TLL1: variants seen among roughly 807,000 people sequenced by gnomAD.
TLL1 encodes tolloid like 1, also known as tolloid-like protein 1.
TLL1 carries 49 observed loss-of-function variants against 128.2 expected under a neutral mutation model. The ratio of observed to expected loss-of-function variants is 0.38; its 90% confidence interval spans 0.30 to 0.48. The LOEUF (loss-of-function observed/expected upper bound fraction) is 0.48. Ranked by LOEUF, TLL1 falls within the 20% of genes least tolerant of loss-of-function variation. TLL1 has a pLI of 0.96. For synonymous variants in TLL1, 454 were observed against 418.8 expected (o/e 1.08, Z -1.03); for missense variants, 1,123 against 1,242.0 (o/e 0.90, Z 1.44).
chr4:166,008,765 A>G (rs1039842460), intron 7 of TLL1, among the ~76,000 whole-genome samples: 2 of 149,390 alleles, frequency 1.3e-5, no homozygotes, highest in African/African-American at 2.5e-5. Context: ...CCCTTTTTCC[A>G]TTTATGCCCA....
chr4:166,061,031 T>C (rs1364980220), intron 15 of TLL1, among the ~76,000 whole-genome samples: 3 of 152,162 alleles, frequency 2.0e-5, no homozygotes, highest in Admixed American at 6.6e-5. Flanking sequence ...ATCCATAAAA[T>C]AAAATTAACC....
chr4:165,930,907 GA>G (rs1406195312), intron 1 of TLL1, among the ~76,000 whole-genome samples: 1 of 152,158 alleles, frequency 6.6e-6, no homozygotes, highest in Non-Finnish European at 1.5e-5. Context: ...AAGTGATCTT[GA>G]ATAGTATGTT....
chr4:166,096,253 G>A (rs896685583), intron 19 of TLL1, among the ~76,000 whole-genome samples: 13 of 150,512 alleles, frequency 8.6e-5, no homozygotes, highest in Non-Finnish European at 1.5e-4. Flanking sequence ...GTCACGGTTA[G>A]AAATTAATTC....
intron 1 of TLL1, among the ~76,000 whole-genome samples, chr4:165,950,032 A>G (rs1734435023): frequency 6.6e-6 from 1 of 152,130 alleles, no homozygotes; most frequent in African/African-American, 2.4e-5. Flanking sequence ...TCTACTGGAA[A>G]CTTAACTATC....
At chr4:165,997,530 A>G (rs1237622815) in intron 5 of TLL1, among the ~76,000 whole-genome samples, 1 of 152,124 alleles carries the variant, frequency 6.6e-6, no homozygotes, top group South Asian at 2.1e-4. Context: ...AACTCTTGCG[A>G]TTTTTTAAAA....
intron 1 of TLL1, among the ~76,000 whole-genome samples, chr4:165,903,783 A>T (rs2110857935): frequency 6.6e-6 from 1 of 152,052 alleles, no homozygotes; most frequent in South Asian, 2.1e-4. Flanking sequence ...ATAATAAATA[A>T]TAAGGCAGAA....
intron 16 of TLL1, among the ~76,000 whole-genome samples, chr4:166,074,201 G>A (rs1285231347): frequency 2.0e-5 from 3 of 151,898 alleles, no homozygotes; most frequent in South Asian, 2.1e-4. Context: ...TTTAGGGGAT[G>A]ACTTATTAAT....
chr4:165,925,143 G>A (rs1189778003), intron 1 of TLL1, among the ~76,000 whole-genome samples: 1 of 152,194 alleles, frequency 6.6e-6, no homozygotes, highest in East Asian at 1.9e-4. Context: ...TCTCACAGAG[G>A]AGCAATTTTG....
In TLL1 at chr4:165,931,994, G is replaced by A. The variant is rs140668736; in HGVS notation, c.170-57387G>A. 4.7e-3 allele frequency among the ~76,000 whole-genome samples: 710 copies of A among 152,278 alleles called. 5 individuals are homozygous for A. Among genetic ancestry groups the A allele is most frequent in the African/African-American group, 0.016 (682 of 41,564 alleles). ...CCCTAGTGGGGACTTTCCTTTGCTG[G>A]AAAGCCAGGTGATGGTTGGACAAGT... On this transcript the variant is annotated intron_variant, in intron 1 of 20. Transcript: ENST00000061240.
intron 9 of TLL1, chr4:166,031,014 T>C: frequency 1.1e-6 from 1 of 932,712 alleles, no homozygotes; most frequent in African/African-American, 1.8e-5. Flanking sequence ...TTATCAAAAG[T>C]GATTTAACAA....
chr4:166,085,522 T>C (rs543550983), intron 18 of TLL1, among the ~76,000 whole-genome samples: 6 of 152,180 alleles, frequency 3.9e-5, no homozygotes, highest in African/African-American at 1.4e-4. Flanking sequence ...AATGCTTTTT[T>C]CTATTAATAT....
chr4:165,933,599 G>A (rs890687531), intron 1 of TLL1, among the ~76,000 whole-genome samples: 3 of 152,146 alleles, frequency 2.0e-5, no homozygotes, highest in Non-Finnish European at 4.4e-5. Context: ...TCTGCCTCTT[G>A]CACAGGACTT....
intron 12 of TLL1, among the ~76,000 whole-genome samples, chr4:166,044,812 A>G (rs1387990947): frequency 6.6e-6 from 1 of 152,222 alleles, no homozygotes; most frequent in Non-Finnish European, 1.5e-5. Context: ...TAAGAGATTA[A>G]CTGTCTTTTA....
At chr4:166,064,929 A>G (rs1560847348) in intron 15 of TLL1, among the ~76,000 whole-genome samples, 2 of 152,102 alleles carry the variant, frequency 1.3e-5, no homozygotes, top group Non-Finnish European at 2.9e-5. Flanking sequence ...TGCTAATTAC[A>G]TATTTATGTA....
chr4:165,886,404 A>G (rs1474537546), intron 1 of TLL1, among the ~76,000 whole-genome samples: 1 of 152,180 alleles, frequency 6.6e-6, no homozygotes, highest in African/African-American at 2.4e-5. Flanking sequence ...TTTGTATATG[A>G]TATGTTTCAG....
chr4:166,049,309 C>T (rs558414482), intron 12 of TLL1, among the ~76,000 whole-genome samples: 33 of 152,236 alleles, frequency 2.2e-4, no homozygotes, highest in South Asian at 1.0e-3. Context: ...TAAAGAGAAG[C>T]GTCAGTATTC....
chr4:166,049,245 C>T (rs1385815773), intron 12 of TLL1, among the ~76,000 whole-genome samples: 1 of 152,166 alleles, frequency 6.6e-6, no homozygotes, highest in Non-Finnish European at 1.5e-5. Flanking sequence ...ACTGGTAGCA[C>T]TATGATCGAA....
At chr4:166,006,501 G>A (rs1737434105) in intron 6 of TLL1, among the ~76,000 whole-genome samples, 1 of 151,748 alleles carries the variant, frequency 6.6e-6, no homozygotes, top group South Asian at 2.1e-4. Context: ...CCCATATTAA[G>A]TTCTAAATTG....
chr4:166,053,488 C>A (rs1196621750), intron 12 of TLL1, among the ~76,000 whole-genome samples: 1 of 152,022 alleles, frequency 6.6e-6, no homozygotes, highest in Non-Finnish European at 1.5e-5. Context: ...AGAGAGAGTG[C>A]CTAGTGGAGA....
Sources: gnomAD v4.1 joint callset for allele counts (sites outside exome capture counted in the v4.1 genomes callset) on GRCh38, gnomAD v4.1.1 for gene constraint, MANE v1.5 for transcripts, NCBI Gene and HGNC (gene_info 2026-07-23, HGNC 2026-07-21) for gene names.